The following LRRC37B variants were observed in gnomAD, a reference collection of about 807,000 sequenced individuals.
The protein encoded by LRRC37B is leucine rich repeat containing 37B.
In LRRC37B, 28 loss-of-function variants were observed where a neutral mutation model predicts 98.3. The observed-to-expected ratio is 0.28, with a 90% CI of 0.21 to 0.39. LRRC37B has a LOEUF of 0.39. Ranked by LOEUF, LRRC37B falls within the 10% of genes least tolerant of loss-of-function variation. The pLI, the probability that LRRC37B is intolerant of heterozygous loss-of-function variation, is 1.00. For missense variants in LRRC37B, 938 were observed against 1,182.7 expected (o/e 0.79, Z 3.03); for synonymous variants, 364 against 442.7 (o/e 0.82, Z 2.23).
intron 9 of LRRC37B, among the ~76,000 whole-genome samples, chr17:32,048,569 G>C (rs896470474): frequency 5.3e-5 from 8 of 151,762 alleles, no homozygotes. Context: ...TTTAATTTTA[G>C]AAATGGCAAT....
At chr17:32,049,533 C>T in intron 10 of LRRC37B, 139 bp downstream of exon 13, 1 of 743,616 alleles carries the variant, frequency 1.3e-6, no homozygotes, top group Non-Finnish European at 2.2e-6. Context: ...CAGTGATCTC[C>T]CACTTTGCTC....
chr17:32,026,556 G>A (rs932634310), intron 2 of LRRC37B, among the ~76,000 whole-genome samples: 4 of 152,166 alleles, frequency 2.6e-5, no homozygotes, highest in Admixed American at 2.6e-4. Flanking sequence ...AGCCTCCTGG[G>A]TAGCTGGAAT....
At position 32,021,858 on chromosome 17, in the gene LRRC37B, C is replaced by T. The variant is rs573302001; in HGVS notation, c.793C>T (p.Pro265Ser). 6.3e-5 allele frequency: 102 copies of T among 1,614,206 alleles called. No homozygotes were observed. The South Asian group carries it at 1.0e-3, about 16-fold the overall frequency. Residue 265 changes from proline (P) to serine (S), a missense_variant, in exon 1 of 12, where the codon CCT (proline) becomes TCT (serine). Physicochemically the swap from Pro to Ser is moderately conservative, Grantham distance 74 (BLOSUM62 -1). Transcript: ENST00000327564. ...GGACACACTGTATCCCGGCAGCCTACCTCCAGAACTCCGGGTGAACGCAGA... is the reference window on the plus strand; with the variant it reads ...GGACACACTGTATCCCGGCAGCCTATCTCCAGAACTCCGGGTGAACGCAGA...
In LRRC37B at chr17:32,049,525, G is replaced by A. The variant is rs563860494; in HGVS notation, c.2757+131G>A. 5.8e-5 allele frequency: 44 copies of A among 755,554 alleles called. No individual in the cohort carries two copies. In the Admixed American group the frequency reaches 1.1e-3, roughly 19 times the overall value. 46.8% of individuals were successfully genotyped at this position (755,554 alleles called of 1,614,324 possible). A position where few individuals can be genotyped will look rare whatever the true frequency, so the allele number is the denominator to read the frequency against. The stretch of plus-strand genomic sequence containing the variant: ...TGGCCATGTAACTTTGGCCATGACA[G>A]TGATCTCCCACTTTGCTCATGTAGA... On this transcript the variant is annotated intron_variant, in intron 10 of 11. Coordinates refer to ENST00000327564, the Ensembl canonical transcript of LRRC37B.
intron 9 of LRRC37B, among the ~76,000 whole-genome samples, chr17:32,048,527 A>G (rs1199548217): frequency 1.3e-5 from 2 of 151,148 alleles, no homozygotes; most frequent in Non-Finnish European, 2.9e-5. Context: ...ACCTCAGGTC[A>G]GAGACAGATC....
chr17:32,007,729 C>A, upstream of LRRC37B: 2 of 1,192,980 alleles, frequency 1.7e-6, no homozygotes, highest in Non-Finnish European at 2.1e-6. This position sits in a 1 kb window ranked among gnomAD's most constrained non-coding sequence, Gnocchi z 4.1. Flanking sequence ...CTCGCCGATA[C>A]GCGGTAGTAG....
intron 7 of LRRC37B, chr17:32,040,764 C>T (rs1395534862): frequency 4.8e-6 from 4 of 833,242 alleles, no homozygotes; most frequent in Non-Finnish European, 8.5e-6. Flanking sequence ...CAGTGACGCA[C>T]TGCTGGATGC....
chr17:32,024,399 G>A (rs544148691), intron 1 of LRRC37B: 5 of 592,970 alleles, frequency 8.4e-6, no homozygotes, highest in African/African-American at 5.6e-5. Context: ...TTGATTTGTA[G>A]GAGTTTGTTT....
upstream of LRRC37B, chr17:32,020,934 T>G: frequency 7.5e-7 from 1 of 1,329,912 alleles, no homozygotes; most frequent in South Asian, 1.6e-5. Flanking sequence ...AGGGGAGGGG[T>G]GTTCCGGCCT....
At chr17:32,039,121 G>GT (rs1332572369) in intron 7 of LRRC37B, among the ~76,000 whole-genome samples, 4 of 151,792 alleles carry the variant, frequency 2.6e-5, no homozygotes, top group South Asian at 2.1e-4. Flanking sequence ...GAGGTTTATT[G>GT]TTTTTTTGTT....
intron 7 of LRRC37B, among the ~76,000 whole-genome samples, chr17:32,038,539 G>T (rs1474057940): frequency 1.3e-5 from 2 of 152,192 alleles, no homozygotes; most frequent in African/African-American, 4.8e-5. Flanking sequence ...CTCTCAGATT[G>T]TGGTTTGTCT....
At chr17:32,021,921 C>G in exon 1 of LRRC37B, 3 of 1,614,158 alleles carry the variant, frequency 1.9e-6, no homozygotes, top group Non-Finnish European at 8.5e-7. Flanking sequence ...TGGACTTTCT[C>G]AATTCCATCT....
intron 8 of LRRC37B, among the ~76,000 whole-genome samples, chr17:32,046,474 A>G (rs568989997): frequency 9.0e-4 from 137 of 152,266 alleles, no homozygotes; most frequent in African/African-American, 3.1e-3. Context: ...CACCAACTTC[A>G]TGACTTCTAA....
intron 1 of LRRC37B, among the ~76,000 whole-genome samples, chr17:32,012,588 C>T (rs769936329): frequency 1.3e-5 from 2 of 151,808 alleles, no homozygotes; most frequent in African/African-American, 4.8e-5. Context: ...TGGTGGCACA[C>T]GTCTGTAGTC....
At chr17:32,015,639 C>G (rs940708461) in intron 1 of LRRC37B, among the ~76,000 whole-genome samples, 1 of 152,170 alleles carries the variant, frequency 6.6e-6, no homozygotes, top group Non-Finnish European at 1.5e-5. Context: ...ATGTATGGGT[C>G]AACTCGGAAA....
chr17:32,026,318 C>T (rs1294322304), intron 2 of LRRC37B, among the ~76,000 whole-genome samples: 1 of 152,188 alleles, frequency 6.6e-6, no homozygotes. Flanking sequence ...AGTTTGAGAC[C>T]AGCCTGGCCA....
At chr17:32,035,018 T>G (rs764796548) in intron 6 of LRRC37B, 37 bp downstream of exon 9, 7 of 1,328,928 alleles carry the variant, frequency 5.3e-6, no homozygotes, top group Non-Finnish European at 7.3e-6. Context: ...CATGAGATGA[T>G]TTATGCTTTT....
At chr17:32,021,380 TGCTTCTTCGCAGATGTCA>T (rs1910773414) in exon 1 of LRRC37B, 1 of 1,613,870 alleles carries the variant, frequency 6.2e-7, no homozygotes, top group Admixed American at 1.7e-5. Context: ...TGGGGCCCTC[TGCTTCTTCGCAGATGTCA>T]GCCCTGCCTC....
chr17:32,040,276 A>C, intron 7 of LRRC37B: 1 of 303,334 alleles, frequency 3.3e-6, no homozygotes, highest in Non-Finnish European at 6.4e-6. Context: ...GAACAGATCT[A>C]GATTGAAGGA....
Sources: allele counts gnomAD v4.1 joint callset (sites outside exome capture counted in the v4.1 genomes callset), GRCh38; gene constraint gnomAD v4.1.1; non-coding constraint Gnocchi (gnomAD v3.1); transcripts MANE v1.5; gene names NCBI Gene and HGNC (gene_info 2026-07-23, HGNC 2026-07-21).